The following PRDM9 variants were observed in gnomAD, a reference collection of about 807,000 sequenced individuals.
PRDM9 encodes the protein histone-lysine N-methyltransferase PRDM9.
PRDM9 carries 47 observed loss-of-function variants against 55.6 expected under a neutral mutation model. The ratio of observed to expected loss-of-function variants is 0.85; its 90% confidence interval spans 0.67 to 1.08. The LOEUF (loss-of-function observed/expected upper bound fraction) is 1.08. PRDM9 is among the 50% of genes least tolerant of loss of function. The pLI is 0.00. For missense variants in PRDM9, 867 were observed against 1,040.3 expected (o/e 0.83, Z 2.29); for synonymous variants, 312 against 375.7 (o/e 0.83, Z 1.96).
Position 23,526,270 on chromosome 5 carries a change from T to A in PRDM9, c.1182T>A (p.Cys394Ter). The change falls in exon 11 of 11, where the codon TGT becomes TGA. Residue 394 changes from cysteine to a stop codon, truncating the protein, a stop_gained. Transcript: ENST00000296682. LOFTEE classifies it low-confidence loss of function (END_TRUNC). Reference protein sequence around the residue: ...KPEIHPCPSCCLAFSSQKFLS... With the variant: ...KPEIHPCPSC ...AGATCCATCCATGTCCCTCATGCTGTCTGGCCTTTTCAAGTCAGAAATTTC... is the reference window on the plus strand; with the variant it reads ...AGATCCATCCATGTCCCTCATGCTGACTGGCCTTTTCAAGTCAGAAATTTC... 4 of 1,614,216 alleles carry A rather than the reference T, an allele frequency of 2.5e-6. No individual in the cohort carries two copies. The highest frequency in any genetic ancestry group is 3.4e-6 in the Non-Finnish European group (4 of 1,180,046).
chr5:23,516,604 C>G (rs1739214573), intron 4 of PRDM9, among the ~76,000 whole-genome samples: 1 of 151,740 alleles, frequency 6.6e-6, no homozygotes, highest in Admixed American at 6.6e-5. Flanking sequence ...GATCTCCTGA[C>G]CTCGTGATCT....
intron 5 of PRDM9, among the ~76,000 whole-genome samples, chr5:23,520,565 A>G (rs1438139401): frequency 6.6e-6 from 1 of 151,884 alleles, no homozygotes; most frequent in Non-Finnish European, 1.5e-5. Context: ...GTCTAGATAT[A>G]TTTTTGCCAA....
At chr5:23,521,843 T>C (rs1739333840) in intron 6 of PRDM9, among the ~76,000 whole-genome samples, 1 of 152,200 alleles carries the variant, frequency 6.6e-6, no homozygotes, top group African/African-American at 2.4e-5. Context: ...AACCCATACA[T>C]GCAAGGTGTC....
intron 9 of PRDM9, 87 bp downstream of exon 9, chr5:23,523,445 A>G (rs1417670000): frequency 1.9e-5 from 26 of 1,385,824 alleles, no homozygotes; most frequent in South Asian, 1.5e-4. Flanking sequence ...GCCTCCCTCA[A>G]TGATTTTCAC....
At position 23,509,063 on chromosome 5, in the gene PRDM9, C is replaced by T; in HGVS notation, c.30C>T (p.Ser10=). The stretch of plus-strand genomic sequence containing the variant: ...GCCCTGAAAAGTCCCAAGAGGAGAG[C>T]CCAGAAGAAGACACAGAGAGAACAG... MSPEKSQEE[S]PEEDTERTER... is the part of the protein sequence containing the mutation. Residue 10 remains serine, a synonymous_variant, in exon 2 of 11, where the codon AGC becomes AGT. Coordinates refer to ENST00000296682, the MANE Select transcript of PRDM9 (RefSeq NM_020227.4). 1 of 1,614,032 alleles carries T rather than the reference C, an allele frequency of 6.2e-7. No homozygotes were observed.
chr5:23,522,439 C>G, intron 7 of PRDM9, 34 bp downstream of exon 7: 4 of 1,591,718 alleles, frequency 2.5e-6, no homozygotes, highest in Non-Finnish European at 3.4e-6. Context: ...ACACAGCTTG[C>G]TGTTATGTCC....
intron 5 of PRDM9, 55 bp from the exon 6 acceptor site, chr5:23,520,968 G>C (rs145670659): frequency 6.3e-7 from 1 of 1,591,832 alleles, no homozygotes; most frequent in South Asian, 1.1e-5. Flanking sequence ...GTTGCAAGCC[G>C]TAAAGAACTA....
At chr5:23,520,198 C>G (rs1201284217) in intron 5 of PRDM9, among the ~76,000 whole-genome samples, 1 of 151,282 alleles carries the variant, frequency 6.6e-6, no homozygotes, top group Non-Finnish European at 1.5e-5. Context: ...AACCCCGTCT[C>G]TAATAAATAT....
At chr5:23,511,822 ATGTTTTTATTTT>A (rs1739105149) in intron 4 of PRDM9, among the ~76,000 whole-genome samples, 2 of 152,120 alleles carry the variant, frequency 1.3e-5, no homozygotes, top group Non-Finnish European at 2.9e-5. Context: ...GTTTTTTTGT[ATGTTTTTATTTT>A]TGTTTTTAAA....
At chr5:23,520,043 C>CAA (rs1170726885) in intron 5 of PRDM9, among the ~76,000 whole-genome samples, 3 of 27,876 alleles carry the variant, frequency 1.1e-4, no homozygotes, top group African/African-American at 3.2e-4. Context: ...GACTCCCTCT[C>CAA]AAAAAAATAA....
Position 23,527,704 on chromosome 5 carries a change from G to C in PRDM9, c.2616G>C (p.Arg872Ser), listed in dbSNP as rs765312151. 3 of 1,589,344 alleles carry C rather than the reference G, an allele frequency of 1.9e-6. No individual in the cohort carries two copies. The highest frequency in any genetic ancestry group is 2.6e-6 in the Non-Finnish European group (3 of 1,167,190). ...CRECGRGFSD[R>S]SSLCYHQRTH... The stretch of plus-strand genomic sequence containing the variant: ...AGTGTGGGCGGGGCTTTAGCGATAG[G>C]TCAAGCCTCTGCTATCACCAGAGGA... Residue 872 changes from arginine to serine, a missense_variant, in exon 11 of 11, where the codon AGG (arginine) becomes AGC (serine). Physicochemically the swap from Arg to Ser is moderately radical, Grantham distance 110 (BLOSUM62 -1). Transcript: ENST00000296682.
At chr5:23,515,472 C>A (rs528337188) in intron 4 of PRDM9, among the ~76,000 whole-genome samples, 2 of 152,232 alleles carry the variant, frequency 1.3e-5, no homozygotes, top group South Asian at 4.2e-4. Context: ...GATGCCTTGC[C>A]ACTCTGTTGA....
intron 5 of PRDM9, among the ~76,000 whole-genome samples, chr5:23,520,093 G>T (rs112989654): frequency 0.015 from 2,217 of 144,304 alleles, 11 homozygotes; most frequent in Middle Eastern, 0.025. Context: ...GTCTGAGTGT[G>T]GGGGCTCATG....
At chr5:23,511,326 T>A in intron 4 of PRDM9, among the ~76,000 whole-genome samples, 1 of 152,040 alleles carries the variant, frequency 6.6e-6, no homozygotes, top group East Asian at 1.9e-4. Flanking sequence ...ATAACGTTTG[T>A]TTGTTTGTTT....
Position 23,524,492 on chromosome 5 carries a change from G to T in PRDM9, c.1109G>T (p.Gly370Val), listed in dbSNP as rs1291172832. The T allele has an allele frequency of 6.2e-7, 1 of 1,613,786 alleles. No homozygotes were observed. The highest frequency in any genetic ancestry group is 8.5e-7 in the Non-Finnish European group (1 of 1,179,868). Residue 370 changes from glycine (G) to valine (V), a missense_variant, in exon 10 of 11, where the codon GGC (glycine) becomes GTC (valine). This residue lies in a region of PRDM9 where 662 missense variants were observed against 711.9 expected (regional missense o/e 0.93). Coordinates refer to ENST00000296682, the MANE Select transcript of PRDM9 (RefSeq NM_020227.4). The stretch of plus-strand genomic sequence containing the variant: ...GGCCAGGAACTGGGCATCAAGTGGG[G>T]CAGCAAGTGGAAGAAAGAGCTCATG... ...EYGQELGIKW[G>V]SKWKKELMAG...
intron 4 of PRDM9, among the ~76,000 whole-genome samples, chr5:23,512,539 G>A (rs2914281): frequency 0.072 from 11,008 of 152,092 alleles, 653 homozygotes; most frequent in African/African-American, 0.16. Flanking sequence ...TCTTTAGCGG[G>A]AATCTATCTC....
chr5:23,523,043 A>G (rs1248252069), intron 8 of PRDM9, among the ~76,000 whole-genome samples, 158 bp downstream of exon 8: 1 of 152,192 alleles, frequency 6.6e-6, no homozygotes, highest in Non-Finnish European at 1.5e-5. Flanking sequence ...TCCTATTTAG[A>G]GATCAGAGGT....
At position 23,522,471 on chromosome 5, in the gene PRDM9, T is replaced by C. The variant is rs189703887; in HGVS notation, c.610+66T>C. 4.7e-5 allele frequency: 75 copies of C among 1,585,376 alleles called. No homozygotes were observed. In the East Asian group the frequency reaches 1.5e-3, roughly 32 times the overall value. On this transcript the variant is annotated intron_variant, in intron 7 of 10. Coordinates refer to ENST00000296682, the MANE Select transcript of PRDM9 (RefSeq NM_020227.4). ...GTCCTGGTGCAATAATTTCATCATTTGGCCCACAAATCATTCCCTTACTCT... is the reference window on the plus strand; with the variant it reads ...GTCCTGGTGCAATAATTTCATCATTCGGCCCACAAATCATTCCCTTACTCT...
Position 23,522,345 on chromosome 5 carries a change from C to A in PRDM9, c.550C>A (p.Arg184=), listed in dbSNP as rs181064967. Residue 184 remains arginine (R), a synonymous_variant, in exon 7 of 11, where the codon CGA becomes AGA. Coordinates refer to ENST00000296682, the MANE Select transcript of PRDM9 (RefSeq NM_020227.4). ...KETERKMYSL[R]ERKGHAYKEV... is the part of the protein sequence containing the mutation. ...GACTGAAAGAAAGATGTATAGCCTG[C>A]GAGAAAGAAAGGGTCATGCATACAA... is the stretch of plus-strand genomic sequence containing the variant. 6.9e-5 allele frequency: 112 copies of A among 1,613,998 alleles called. No individual in the cohort carries two copies. The East Asian group carries it at 2.2e-3, about 31-fold the overall frequency.
Sources: allele counts gnomAD v4.1 joint callset (sites outside exome capture counted in the v4.1 genomes callset), GRCh38; gene constraint gnomAD v4.1.1; regional missense constraint gnomAD v4.1.1; transcripts MANE v1.5; gene names NCBI Gene and HGNC (gene_info 2026-07-23, HGNC 2026-07-21).